NRG1: variants seen among roughly 807,000 people sequenced by gnomAD.
NRG1 encodes pro-neuregulin-1, membrane-bound isoform.
In NRG1, 18 loss-of-function variants were observed where a neutral mutation model predicts 63.8. The observed-to-expected ratio is 0.28, with a 90% confidence interval of 0.19 to 0.42. The LOEUF (loss-of-function observed/expected upper bound fraction) is 0.42, where lower values mean the gene tolerates loss of function less well. NRG1 is among the 10% of genes least tolerant of loss of function. NRG1 has a pLI of 1.00. For missense variants in NRG1, 762 were observed against 814.7 expected (o/e 0.94, Z 0.79); for synonymous variants, 302 against 301.3 (o/e 1.00, Z -0.02).
intron 5 of NRG1, among the ~76,000 whole-genome samples, chr8:32,696,431 C>T (rs1340451910): frequency 6.6e-6 from 1 of 152,114 alleles, no homozygotes; most frequent in Non-Finnish European, 1.5e-5. Flanking sequence ...TTTTCATTCA[C>T]ATTTAACTCC....
rs186269640 is a variant in NRG1, at chr8:32,297,168, G to A, written c.38-298660G>A. On this transcript the variant is annotated intron_variant, in intron 1 of 10. Transcript: ENST00000519301. ...AGTGAGTATTCCATTTCTGTGTCCTGCCTTTTTGTATTTATCTAAAATTTA... is the reference window on the plus strand; with the variant it reads ...AGTGAGTATTCCATTTCTGTGTCCTACCTTTTTGTATTTATCTAAAATTTA... Among the ~76,000 whole-genome samples, 23 of 152,072 alleles carry A rather than the reference G, an allele frequency of 1.5e-4. 1 individual carries two copies. In the East Asian group the frequency reaches 4.5e-3, roughly 30 times the overall value.
intron 5 of NRG1, among the ~76,000 whole-genome samples, chr8:32,649,166 T>C (rs1854400878): frequency 6.6e-6 from 1 of 151,238 alleles, no homozygotes; most frequent in African/African-American, 2.4e-5. Flanking sequence ...CATCTTTTTT[T>C]TTTTTTTTTT....
chr8:32,460,095 A>T (rs1007261975), intron 1 of NRG1, among the ~76,000 whole-genome samples: 4 of 152,222 alleles, frequency 2.6e-5, no homozygotes, highest in African/African-American at 9.6e-5. Context: ...TCAGAGAAGA[A>T]CTTTATCTGT....
intron 1 of NRG1, among the ~76,000 whole-genome samples, chr8:32,020,803 T>C (rs1816309751): frequency 6.6e-6 from 1 of 152,224 alleles, no homozygotes. Flanking sequence ...TAGGAAAGTA[T>C]AATTTATGAA....
At chr8:32,688,227 A>G (rs1810687441) in intron 5 of NRG1, among the ~76,000 whole-genome samples, 1 of 152,204 alleles carries the variant, frequency 6.6e-6, no homozygotes, top group Admixed American at 6.5e-5. Context: ...CGTACGAAAC[A>G]TGCAGCTCTT....
intron 1 of NRG1, among the ~76,000 whole-genome samples, chr8:32,462,625 C>T (rs1436324021): frequency 3.2e-5 from 3 of 92,322 alleles, no homozygotes; most frequent in African/African-American, 8.5e-5. Flanking sequence ...TTTTTTGAGA[C>T]GGAGTTTCAG....
At chr8:32,403,592 C>G (rs1474357981) in intron 1 of NRG1, among the ~76,000 whole-genome samples, 1 of 152,082 alleles carries the variant, frequency 6.6e-6, no homozygotes, top group Non-Finnish European at 1.5e-5. Flanking sequence ...TATCTGAATC[C>G]CTCCCTGCTC....
chr8:32,018,976 G>A (rs1220690316), intron 1 of NRG1, among the ~76,000 whole-genome samples: 1 of 152,234 alleles, frequency 6.6e-6, no homozygotes, highest in Non-Finnish European at 1.5e-5. Flanking sequence ...TATTCTTGAT[G>A]ACTAATGATG....
At chr8:32,669,050 A>C (rs1399899629) in intron 5 of NRG1, among the ~76,000 whole-genome samples, 1 of 152,230 alleles carries the variant, frequency 6.6e-6, no homozygotes, top group African/African-American at 2.4e-5. Flanking sequence ...ACAGAAACTC[A>C]AGTGATATTT....
intron 1 of NRG1, among the ~76,000 whole-genome samples, chr8:32,031,396 T>A (rs1818234005): frequency 6.6e-6 from 1 of 152,200 alleles, no homozygotes; most frequent in Non-Finnish European, 1.5e-5. Flanking sequence ...CTCTTCACTT[T>A]GTTGTTAGGC....
At chr8:32,489,554 G>A (rs1826301949) in intron 1 of NRG1, among the ~76,000 whole-genome samples, 1 of 152,106 alleles carries the variant, frequency 6.6e-6, no homozygotes, top group Admixed American at 6.6e-5. Flanking sequence ...ACTGTAGCAG[G>A]ACCACAGGCA....
intron 1 of NRG1, among the ~76,000 whole-genome samples, chr8:31,848,135 T>A (rs1826862903): frequency 6.6e-6 from 1 of 152,204 alleles, no homozygotes. Context: ...TTCAGGAAAC[T>A]GTCAGATCTG....
At chr8:31,787,165 T>C (rs1820254078) in intron 1 of NRG1, among the ~76,000 whole-genome samples, 1 of 152,232 alleles carries the variant, frequency 6.6e-6, no homozygotes, top group African/African-American at 2.4e-5. Context: ...TGAAGCCTTC[T>C]ATTTCAGTAG....
At chr8:32,648,099 A>G in intron 5 of NRG1, 1 of 1,614,090 alleles carries the variant, frequency 6.2e-7, no homozygotes, top group Non-Finnish European at 8.5e-7. Flanking sequence ...TCTGGACGCA[A>G]CTGCTGCCTC....
chr8:32,068,581 C>T (rs1482626282), intron 1 of NRG1, among the ~76,000 whole-genome samples: 1 of 152,136 alleles, frequency 6.6e-6, no homozygotes, highest in Non-Finnish European at 1.5e-5. Flanking sequence ...GTACTTCCAT[C>T]CTAGAGGGTT....
intron 5 of NRG1, among the ~76,000 whole-genome samples, chr8:32,714,247 G>A (rs1564010210): frequency 1.3e-5 from 2 of 152,178 alleles, no homozygotes; most frequent in East Asian, 1.9e-4. Context: ...ATGACATGGT[G>A]TTATGTTCTT....
intron 1 of NRG1, among the ~76,000 whole-genome samples, chr8:31,771,420 A>G (rs1221366355): frequency 6.6e-6 from 1 of 152,018 alleles, no homozygotes; most frequent in African/African-American, 2.4e-5. Context: ...TGGGGCTATT[A>G]CTGAAATTAT....
intron 1 of NRG1, among the ~76,000 whole-genome samples, chr8:31,859,001 G>C (rs973524996): frequency 6.6e-6 from 1 of 152,160 alleles, no homozygotes; most frequent in African/African-American, 2.4e-5. Flanking sequence ...CTGAAGTATA[G>C]ATTTTTATGC....
chr8:32,089,063 GGTATGTGTGT>G (rs1256686700), intron 1 of NRG1, among the ~76,000 whole-genome samples: 2 of 152,242 alleles, frequency 1.3e-5, no homozygotes, highest in African/African-American at 4.8e-5. Context: ...GGTGTGAAAA[GGTATGTGTGT>G]GTATGTGTGT....
Sources: allele counts gnomAD v4.1 joint callset (sites outside exome capture counted in the v4.1 genomes callset), GRCh38; gene constraint gnomAD v4.1.1; transcripts MANE v1.5; gene names NCBI Gene and HGNC (gene_info 2026-07-23, HGNC 2026-07-21).